The following TLL2 variants were observed in gnomAD, a reference collection of about 807,000 sequenced individuals.
TLL2 encodes the protein tolloid like 2, also known as tolloid-like protein 2.
A neutral mutation model predicts 123.0 loss-of-function variants in TLL2; 106 were observed. That is an observed-to-expected ratio of 0.86 (90% CI 0.74 to 1.01). The LOEUF (loss-of-function observed/expected upper bound fraction) is 1.01, where lower values mean the gene tolerates loss of function less well. Among genes scored for constraint, TLL2 ranks in the 50% least tolerant of loss-of-function variants. The pLI, the probability that TLL2 is intolerant of heterozygous loss-of-function variation, is 0.00. For synonymous variants in TLL2, 494 were observed against 516.8 expected, an observed-to-expected ratio of 0.96 and a Z score of 0.60; for missense variants, 1,332 against 1,336.7, an observed-to-expected ratio of 1.00 and a Z score of 0.06.
intron 3 of TLL2, among the ~76,000 whole-genome samples, chr10:96,434,363 C>T (rs1398088841): frequency 6.6e-6 from 1 of 152,224 alleles, no homozygotes; most frequent in Non-Finnish European, 1.5e-5. Flanking sequence ...CTCTCCCTTT[C>T]CCGAGACCTT....
chr10:96,485,713 GTCTA>G (rs1188408232), intron 1 of TLL2, among the ~76,000 whole-genome samples: 1 of 152,180 alleles, frequency 6.6e-6, no homozygotes, highest in Non-Finnish European at 1.5e-5. Context: ...GTACAAGGAA[GTCTA>G]TCTGACAATT....
intron 10 of TLL2, 46 bp from the exon 11 acceptor site, chr10:96,397,348 G>A (rs766961073): frequency 4.0e-6 from 6 of 1,493,690 alleles, no homozygotes; most frequent in Non-Finnish European, 3.7e-6. Context: ...GGGACAGCAA[G>A]AAGGCACTGG....
chr10:96,475,816 G>T (rs986100568), intron 2 of TLL2, among the ~76,000 whole-genome samples: 1 of 152,106 alleles, frequency 6.6e-6, no homozygotes, highest in Non-Finnish European at 1.5e-5. Flanking sequence ...TTGTGGGAGG[G>T]ACCCAAAGGG....
At chr10:96,424,276 T>C (rs1022848666) in intron 5 of TLL2, among the ~76,000 whole-genome samples, 2 of 152,126 alleles carry the variant, frequency 1.3e-5, no homozygotes, top group African/African-American at 4.8e-5. Flanking sequence ...TAGTCAATAA[T>C]AAGTCAATTG....
chr10:96,407,821 G>A (rs558004721), intron 9 of TLL2, among the ~76,000 whole-genome samples: 7 of 152,306 alleles, frequency 4.6e-5, no homozygotes, highest in East Asian at 1.9e-4. Context: ...GTGTGTGCGC[G>A]CACGCGTGGG....
At chr10:96,433,715 CT>C (rs1229080131) in intron 3 of TLL2, among the ~76,000 whole-genome samples, 1 of 152,142 alleles carries the variant, frequency 6.6e-6, no homozygotes, top group Non-Finnish European at 1.5e-5. Flanking sequence ...CATTTTCACT[CT>C]AGTTTTTATA....
intron 3 of TLL2, among the ~76,000 whole-genome samples, chr10:96,441,771 T>G (rs1258031417): frequency 6.6e-6 from 1 of 152,132 alleles, no homozygotes; most frequent in Non-Finnish European, 1.5e-5. Context: ...AAAGTCTGCA[T>G]TTGAGACAGG....
intron 1 of TLL2, among the ~76,000 whole-genome samples, chr10:96,507,102 C>A (rs377479174): frequency 6.6e-6 from 1 of 152,048 alleles, no homozygotes; most frequent in African/African-American, 2.4e-5. Flanking sequence ...GGGCCTGATA[C>A]GTCTTCCTTC....
intron 1 of TLL2, among the ~76,000 whole-genome samples, chr10:96,498,572 C>T (rs148732135): frequency 6.6e-6 from 1 of 152,164 alleles, no homozygotes; most frequent in Admixed American, 6.6e-5. Context: ...TTTAAGAGAA[C>T]CCCTGATTTT....
At chr10:96,368,311 C>T in intron 20 of TLL2, 89 bp from the exon 21 acceptor site, 1 of 1,487,976 alleles carries the variant, frequency 6.7e-7, no homozygotes. Flanking sequence ...TATGCAAGGA[C>T]ACAGGATGTG....
chr10:96,513,432 G>A, intron 1 of TLL2, 79 bp downstream of exon 1: 1 of 1,574,298 alleles, frequency 6.4e-7, no homozygotes, highest in Non-Finnish European at 8.6e-7. Flanking sequence ...CCCCATAGAC[G>A]GTAGTGCAGG....
At chr10:96,482,352 C>G (rs1313924712) in intron 1 of TLL2, among the ~76,000 whole-genome samples, 1 of 152,000 alleles carries the variant, frequency 6.6e-6, no homozygotes, top group African/African-American at 2.4e-5. Flanking sequence ...AATGAAAACA[C>G]ATGTTCATAC....
intron 18 of TLL2, among the ~76,000 whole-genome samples, chr10:96,374,887 G>C (rs1846121990): frequency 6.7e-6 from 1 of 149,736 alleles, no homozygotes; most frequent in Non-Finnish European, 1.5e-5. Flanking sequence ...AGGGAGATGG[G>C]ATAAGGTGAG....
chr10:96,511,788 G>A (rs542035255), intron 1 of TLL2, among the ~76,000 whole-genome samples: 6 of 152,300 alleles, frequency 3.9e-5, no homozygotes, highest in South Asian at 4.1e-4. Context: ...GGGCCTCAGC[G>A]GCCCACACTG....
Position 96,384,603 on chromosome 10 carries a change from C to T in TLL2, c.2178G>A (p.Arg726=). Residue 726 remains arginine (R), a synonymous_variant, in exon 16 of 21, where the codon AGG becomes AGA. Transcript: ENST00000357947. ...CCCGCATACCTGAGAAGAAGTGGGC[C>T]CTGAAGCCGCGCTTGGAGACGGTGT... ...SDNTVSKRGF[R]AHFFSDKDEC... The T allele has an allele frequency of 6.3e-7, 1 of 1,596,476 alleles. No homozygotes were observed. The highest frequency in any genetic ancestry group is 8.6e-7 in the Non-Finnish European group (1 of 1,168,304).
intron 11 of TLL2, among the ~76,000 whole-genome samples, chr10:96,396,759 G>A (rs1337080215): frequency 1.3e-5 from 2 of 152,050 alleles, no homozygotes; most frequent in Admixed American, 6.5e-5. Flanking sequence ...AAGAAACGCA[G>A]TTGGAAATTC....
intron 2 of TLL2, among the ~76,000 whole-genome samples, chr10:96,476,245 A>ATATATAT (rs1847249979): frequency 1.9e-5 from 1 of 53,920 alleles, no homozygotes; most frequent in African/African-American, 7.0e-5. Flanking sequence ...TATATATTTT[A>ATATATAT]TTTTTGTTGT....
chr10:96,500,185 G>A (rs1005461379), intron 1 of TLL2, among the ~76,000 whole-genome samples: 3 of 151,128 alleles, frequency 2.0e-5, no homozygotes, highest in African/African-American at 7.3e-5. Context: ...CGGTGTTGTG[G>A]TGCACACCTA....
At chr10:96,405,511 CCTTAAG>C in intron 9 of TLL2, among the ~76,000 whole-genome samples, 177 bp from the exon 10 acceptor site, 1 of 152,208 alleles carries the variant, frequency 6.6e-6, no homozygotes. Flanking sequence ...AAATAATAAA[CCTTAAG>C]CAGGATGGGG....
Sources: allele counts gnomAD v4.1 joint callset (sites outside exome capture counted in the v4.1 genomes callset), GRCh38; gene constraint gnomAD v4.1.1; transcripts MANE v1.5; gene names NCBI Gene and HGNC (gene_info 2026-07-23, HGNC 2026-07-21).